PPFIBP2: variants seen among roughly 807,000 people sequenced by gnomAD.
The protein encoded by PPFIBP2 is liprin-beta-2.
In PPFIBP2, 118 loss-of-function variants were observed where a neutral mutation model predicts 118.3. The observed-to-expected ratio is 1.00, with a 90% CI of 0.86 to 1.16. The LOEUF (loss-of-function observed/expected upper bound fraction) is 1.16. Ranked by LOEUF, PPFIBP2 falls within the 50% of genes most tolerant of loss-of-function variation. The probability of loss-of-function intolerance (pLI) is 0.00; values close to 1 mark genes in which losing one functional copy is unlikely to be tolerated. For missense variants in PPFIBP2, 1,195 were observed against 1,073.1 expected (o/e 1.11, Z -1.59); for synonymous variants, 414 against 397.4 (o/e 1.04, Z -0.50).
rs572245028 is a variant in PPFIBP2 at position 7,564,254 on chromosome 11, T to G, written c.65-1299T>G. On this transcript the variant is annotated intron_variant, in intron 2 of 23. Transcript: ENST00000299492. ...CCAATATACCAGATCTCTGAGGACA[T>G]TGAAGCACTCTCTCTCTAGATACTC... Among the ~76,000 whole-genome samples, 163 of 152,218 alleles carry G rather than the reference T, an allele frequency of 1.1e-3. 1 individual carries two copies. The highest frequency in any genetic ancestry group is 2.0e-3 in the Non-Finnish European group (135 of 68,016).
Position 7,641,572 on chromosome 11 carries a change from C to CTGAGGTA in PPFIBP2, c.1469_1470insTGAGGTA (p.Pro491GlufsTer6), listed in dbSNP as rs776434679. On this transcript the variant is annotated frameshift_variant, in exon 16 of 24. Coordinates refer to ENST00000299492, the MANE Select transcript of PPFIBP2 (RefSeq NM_003621.5). LOFTEE classifies it high-confidence loss of function. ...GAATCAGGTCCTCAGTCTCCTCTGACACCAGATGGTAAACGGAATCCCAAA... is the reference window on the plus strand; with the variant it reads ...GAATCAGGTCCTCAGTCTCCTCTGACTGAGGTAACCAGATGGTAAACGGAATCCCAAA... 5 of 1,613,972 alleles carry CTGAGGTA rather than the reference C, an allele frequency of 3.1e-6. No individual in the cohort carries two copies. The highest frequency in any genetic ancestry group is 4.2e-6 in the Non-Finnish European group (5 of 1,179,808).
At chr11:7,566,283 G>C (rs775957513) in intron 3 of PPFIBP2, among the ~76,000 whole-genome samples, 1 of 152,170 alleles carries the variant, frequency 6.6e-6, no homozygotes, top group Admixed American at 6.5e-5. Flanking sequence ...GTATTCCTCT[G>C]TATGGTCTCT....
chr11:7,565,155 A>T (rs559475660), intron 2 of PPFIBP2, among the ~76,000 whole-genome samples: 2 of 152,202 alleles, frequency 1.3e-5, no homozygotes, highest in African/African-American at 4.8e-5. Flanking sequence ...GGGTACAGTC[A>T]TCCACCTCTG....
intron 1 of PPFIBP2, among the ~76,000 whole-genome samples, chr11:7,546,007 G>T (rs1852291258): frequency 6.6e-6 from 1 of 152,160 alleles, no homozygotes; most frequent in Non-Finnish European, 1.5e-5. Context: ...AACCCTAAAT[G>T]AAGGAAGGGG....
At chr11:7,571,483 T>A (rs2134811450) in intron 3 of PPFIBP2, among the ~76,000 whole-genome samples, 1 of 152,342 alleles carries the variant, frequency 6.6e-6, no homozygotes, top group African/African-American at 2.4e-5. Context: ...TGAATTTTTT[T>A]ACCATGGGAT....
chr11:7,584,607 A>G (rs1396005717), intron 3 of PPFIBP2, among the ~76,000 whole-genome samples: 1 of 152,216 alleles, frequency 6.6e-6, no homozygotes, highest in African/African-American at 2.4e-5. Context: ...CTCCTTAATA[A>G]AAAAATCTAG....
chr11:7,647,475 C>T (rs1288294606), intron 17 of PPFIBP2, among the ~76,000 whole-genome samples: 1 of 152,152 alleles, frequency 6.6e-6, no homozygotes, highest in African/African-American at 2.4e-5. Context: ...ATACCTCTCC[C>T]CACCCCCGCA....
chr11:7,575,756 G>C (rs1856235135), intron 3 of PPFIBP2, among the ~76,000 whole-genome samples: 1 of 152,212 alleles, frequency 6.6e-6, no homozygotes, highest in South Asian at 2.1e-4. Flanking sequence ...CCAACCTACT[G>C]ACCCCTGTAC....
chr11:7,610,341 T>A lies in PPFIBP2; in HGVS notation c.537T>A (p.Thr179=), dbSNP rs1847913897. 6.2e-7 allele frequency: 1 copy of A among 1,614,058 alleles called. No homozygotes were observed. Among genetic ancestry groups the A allele is most frequent in the South Asian group, 1.1e-5 (1 of 91,086 alleles). Residue 179 remains threonine, a synonymous_variant, in exon 6 of 24, where the codon ACT becomes ACA. Transcript: ENST00000299492. ...SLETQKLDLM[T]EVSELKLKLV... ...AGACCCAGAAGCTCGATCTGATGAC[T>A]GAAGTGTCTGAGCTGAAGCTCAAGC...
At chr11:7,666,615 C>T in the PPFIBP2 span, 2 of 1,192,136 alleles carry the variant, frequency 1.7e-6, no homozygotes, top group Non-Finnish European at 1.2e-6. Context: ...GGACTGACTA[C>T]ACCGGTCAGC....
intron 6 of PPFIBP2, among the ~76,000 whole-genome samples, chr11:7,618,653 G>C (rs989969546): frequency 3.3e-5 from 5 of 152,220 alleles, no homozygotes; most frequent in Non-Finnish European, 7.3e-5. Flanking sequence ...GACATCCAGT[G>C]ATGCAGATCA....
In PPFIBP2 at chr11:7,535,197, G is replaced by A. The variant is rs540216785; in HGVS notation, c.-36-14243G>A. Reference sequence around the variant, plus strand: ...TGAAGCAGAAACTAAATGGAGGTGGGAGCCCATGTCTCAGCCAAGATTCAT... The same window carrying A: ...TGAAGCAGAAACTAAATGGAGGTGGAAGCCCATGTCTCAGCCAAGATTCAT... On this transcript the variant is annotated intron_variant, in intron 1 of 23. Coordinates refer to ENST00000299492, the MANE Select transcript of PPFIBP2 (RefSeq NM_003621.5). 1.2e-4 allele frequency among the ~76,000 whole-genome samples: 19 copies of A among 152,360 alleles called. No homozygotes were observed. In the South Asian group the frequency reaches 3.9e-3, roughly 32 times the overall value.
intron 14 of PPFIBP2, among the ~76,000 whole-genome samples, chr11:7,637,244 C>T (rs1396042923): frequency 2.0e-5 from 3 of 152,198 alleles, no homozygotes; most frequent in African/African-American, 7.2e-5. Context: ...ATGTATTCTT[C>T]AAGTTCTGCC....
intron 1 of PPFIBP2, among the ~76,000 whole-genome samples, chr11:7,521,758 G>C (rs1322252673): frequency 2.0e-5 from 3 of 152,202 alleles, no homozygotes; most frequent in Non-Finnish European, 4.4e-5. Flanking sequence ...GCCTTAAGCT[G>C]GCTGGCTTTG....
chr11:7,524,994 G>A (rs1850098606), intron 1 of PPFIBP2, among the ~76,000 whole-genome samples: 1 of 152,198 alleles, frequency 6.6e-6, no homozygotes, highest in African/African-American at 2.4e-5. Flanking sequence ...TTGTGTGTCT[G>A]TCTGGGTTTT....
chr11:7,602,742 C>A (rs1460953026), intron 5 of PPFIBP2, among the ~76,000 whole-genome samples: 1 of 152,212 alleles, frequency 6.6e-6, no homozygotes, highest in South Asian at 2.1e-4. Context: ...TCTATCCTCC[C>A]TACCGACCCA....
chr11:7,556,580 A>AT (rs1853658449), intron 2 of PPFIBP2, among the ~76,000 whole-genome samples: 1 of 152,130 alleles, frequency 6.6e-6, no homozygotes, highest in African/African-American at 2.4e-5. Context: ...AGTTGATAGC[A>AT]TTTTGTTTAA....
chr11:7,544,185 A>G (rs985266615), intron 1 of PPFIBP2, among the ~76,000 whole-genome samples: 2 of 152,178 alleles, frequency 1.3e-5, no homozygotes, highest in African/African-American at 4.8e-5. Flanking sequence ...ACCCTGCCTT[A>G]TCTTTATGGC....
intron 3 of PPFIBP2, among the ~76,000 whole-genome samples, chr11:7,587,467 C>G (rs1020749511): frequency 2.0e-5 from 3 of 152,200 alleles, no homozygotes; most frequent in East Asian, 3.8e-4. Context: ...CCTTTTGAGA[C>G]AAATGTATTA....
Sources: gnomAD v4.1 joint callset for allele counts (sites outside exome capture counted in the v4.1 genomes callset) on GRCh38, gnomAD v4.1.1 for gene constraint, MANE v1.5 for transcripts, NCBI Gene and HGNC (gene_info 2026-07-23, HGNC 2026-07-21) for gene names.